Variants in LNX2 observed in about 807,000 individuals in gnomAD.
LNX2 encodes ligand of Numb protein X 2.
A neutral mutation model predicts 66.2 loss-of-function variants in LNX2; 35 were observed. The observed-to-expected ratio is 0.53, with a 90% CI of 0.40 to 0.70. LNX2 has a LOEUF of 0.70. Ranked by LOEUF, LNX2 falls within the 30% of genes least tolerant of loss-of-function variation. The pLI, the probability that LNX2 is intolerant of heterozygous loss-of-function variation, is 0.00. For missense variants in LNX2, 791 were observed against 850.8 expected (o/e 0.93, Z 0.87); for synonymous variants, 337 against 315.6 (o/e 1.07, Z -0.72).
chr13:27,562,081 C>T (rs1352452100), intron 5 of LNX2, among the ~76,000 whole-genome samples: 1 of 152,132 alleles, frequency 6.6e-6, no homozygotes, highest in African/African-American at 2.4e-5. Flanking sequence ...TTTTGAGCCT[C>T]CCTTTCCTCA....
chr13:27,603,774 C>G (rs1313687292), intron 1 of LNX2, among the ~76,000 whole-genome samples: 1 of 152,056 alleles, frequency 6.6e-6, no homozygotes, highest in Non-Finnish European at 1.5e-5. Context: ...GAAATGCTTC[C>G]TGACTCCTTA....
intron 1 of LNX2, among the ~76,000 whole-genome samples, chr13:27,615,375 C>T (rs1053881935): frequency 1.3e-5 from 2 of 152,242 alleles, no homozygotes; most frequent in Non-Finnish European, 2.9e-5. Context: ...CTCTCTGGGG[C>T]GTGTTACCCT....
In LNX2 at chr13:27,559,835, T is replaced by A. The variant is rs1190350653; in HGVS notation, c.1368+7A>T. On this transcript the variant is annotated splice_region_variant and intron_variant, in intron 6 of 9. Coordinates refer to ENST00000316334, the MANE Select transcript of LNX2 (RefSeq NM_153371.4). The stretch of plus-strand genomic sequence containing the variant: ...ATGGTGGCATAAAAAAAAAAAAAAA[T>A]CCTCACCTTATGTGAGCTTGGTCTG... 2 of 1,483,748 alleles carry A rather than the reference T, an allele frequency of 1.3e-6. No homozygotes were observed. The allele number at this position is 1,483,748 out of a possible 1,614,324, so 91.9% of individuals were successfully genotyped here.
rs151176870 is a variant in LNX2, at chr13:27,548,420, C to T, written c.1988G>A (p.Ser663Asn). The change falls in exon 10 of 10, where the codon AGC (serine) becomes AAC (asparagine). Residue 663 changes from serine to asparagine, a missense_variant. Transcript: ENST00000316334. ...CAACATGGGAACTAGTGCAGAGTGG[C>T]TCATGCCCACGGTTGACAGCCCATT... ...AVNGLSTVGMSHSALVPMLKE... is the reference protein window; with the variant it reads ...AVNGLSTVGMNHSALVPMLKE... The T allele has an allele frequency of 1.1e-5, 17 of 1,614,004 alleles. No individual in the cohort carries two copies. The highest frequency in any genetic ancestry group is 1.3e-5 in the African/African-American group (1 of 74,930).
intron 2 of LNX2, among the ~76,000 whole-genome samples, chr13:27,573,838 A>C (rs971430793): frequency 2.0e-5 from 3 of 151,888 alleles, no homozygotes; most frequent in Non-Finnish European, 4.4e-5. Flanking sequence ...TAGTTTTCTG[A>C]GTTGCCACAT....
In LNX2 at chr13:27,548,401, G is replaced by A. The variant is rs140619257; in HGVS notation, c.2007C>T (p.Pro669=). ...CTTTGTTCCTCTGCTCCTTCAACAT[G>A]GGAACTAGTGCAGAGTGGCTCATGC... ...TVGMSHSALV[P]MLKEQRNKVT... The change falls in exon 10 of 10, where the codon CCC becomes CCT. Residue 669 remains proline (P), a synonymous_variant. Coordinates refer to ENST00000316334, the MANE Select transcript of LNX2 (RefSeq NM_153371.4). 1.9e-6 allele frequency: 3 copies of A among 1,614,014 alleles called. No homozygotes were observed. In the African/African-American group the frequency reaches 4.0e-5, roughly 22 times the overall value.
In LNX2 at chr13:27,553,334, T is replaced by C. The variant is rs201709536; in HGVS notation, c.1652A>G (p.Lys551Arg). ...CTCAACAATCTGGACCTCAAGTGCT[T>C]TAAGGGCAACAGCAGGGGACGCGGC... ...ASAASPAVAL[K>R]ALEVQIVEEA... is the part of the protein sequence containing the mutation. The change falls in exon 8 of 10, where the codon AAA (lysine) becomes AGA (arginine). Residue 551 changes from lysine to arginine, a missense_variant. Transcript: ENST00000316334. 97 of 1,614,048 alleles carry C rather than the reference T, an allele frequency of 6.0e-5. 1 individual carries two copies. Among genetic ancestry groups the C allele is most frequent in the Non-Finnish European group, 7.6e-5 (90 of 1,180,040 alleles).
intron 1 of LNX2, among the ~76,000 whole-genome samples, chr13:27,615,947 A>G (rs1474222820): frequency 1.3e-5 from 2 of 152,122 alleles, no homozygotes; most frequent in Non-Finnish European, 2.9e-5. Flanking sequence ...CTGTCAACAA[A>G]AAGAGTCAAA....
intron 1 of LNX2, among the ~76,000 whole-genome samples, chr13:27,587,510 C>T (rs947843429): frequency 4.6e-5 from 7 of 152,152 alleles, no homozygotes; most frequent in African/African-American, 1.4e-4. Context: ...ATATGTATAA[C>T]TATATTCATA....
intron 8 of LNX2, 38 bp downstream of exon 8, chr13:27,553,170 T>C (rs745844276): frequency 3.9e-6 from 6 of 1,545,864 alleles, no homozygotes; most frequent in Non-Finnish European, 5.4e-6. Context: ...GCAAGCATGA[T>C]TATGATTTCC....
chr13:27,557,696 A>G (rs1955080133), intron 6 of LNX2, among the ~76,000 whole-genome samples: 1 of 152,118 alleles, frequency 6.6e-6, no homozygotes, highest in Non-Finnish European at 1.5e-5. Flanking sequence ...CTGGAATTCT[A>G]GGCCTATCTA....
chr13:27,583,255 T>TGTGCGCGCGCGCGC (rs1555268514), intron 1 of LNX2, among the ~76,000 whole-genome samples: 2 of 58,530 alleles, frequency 3.4e-5, no homozygotes, highest in Non-Finnish European at 6.4e-5. Flanking sequence ...TGTGTGTGTG[T>TGTGCGCGCGCGCGC]GCGCGCGTCC....
intron 2 of LNX2, among the ~76,000 whole-genome samples, chr13:27,569,528 T>C (rs1490060168): frequency 6.6e-6 from 1 of 152,178 alleles, no homozygotes; most frequent in Admixed American, 6.5e-5. Flanking sequence ...AGTAAAAAAT[T>C]GTATGCAGGT....
rs1263555916 is a variant in LNX2, at chr13:27,567,737, T to C, written c.758A>G (p.Asn253Ser). 8 of 1,613,766 alleles carry C rather than the reference T, an allele frequency of 5.0e-6. No individual in the cohort carries two copies. The Admixed American group carries it at 5.0e-5, about 10-fold the overall frequency. ...IQLGISIVGG[N>S]ETPLINIVIQ... is the part of the protein sequence containing the mutation. ...GACAATGTTAATCAAAGGTGTTTCG[T>C]TGCCACCCACAATGCTGATTCCTAA... The change falls in exon 4 of 10, where the codon AAC (asparagine) becomes AGC (serine). Residue 253 changes from asparagine to serine, a missense_variant. By Grantham distance (46) the Asn-to-Ser change is conservative. Transcript: ENST00000316334.
chr13:27,584,376 C>A (rs1260664677), intron 1 of LNX2, among the ~76,000 whole-genome samples: 1 of 147,968 alleles, frequency 6.8e-6, no homozygotes, highest in Non-Finnish European at 1.5e-5. Flanking sequence ...TATGGTAGGA[C>A]CCTGTCTCTA....
chr13:27,608,947 GATGTGTACCACC>G (rs1955746627), intron 1 of LNX2, among the ~76,000 whole-genome samples: 1 of 151,908 alleles, frequency 6.6e-6, no homozygotes, highest in Admixed American at 6.6e-5. Flanking sequence ...TGGGACTATA[GATGTGTACCACC>G]ATGCCCAGCT....
chr13:27,553,118 TCCCAA>T, intron 8 of LNX2, 85 bp downstream of exon 8: 1 of 1,032,484 alleles, frequency 9.7e-7, no homozygotes, highest in Non-Finnish European at 1.4e-6. Context: ...TTTTTTTTTA[TCCCAA>T]CGAGTAAATT....
At chr13:27,619,123 C>T (rs1955861113) in intron 1 of LNX2, among the ~76,000 whole-genome samples, 1 of 152,188 alleles carries the variant, frequency 6.6e-6, no homozygotes, top group South Asian at 2.1e-4. Flanking sequence ...GAATGTAACA[C>T]ACAAGTGGGC....
At chr13:27,602,996 A>G (rs1389378584) in intron 1 of LNX2, among the ~76,000 whole-genome samples, 2 of 152,184 alleles carry the variant, frequency 1.3e-5, no homozygotes, top group African/African-American at 2.4e-5. Context: ...AATTTTATAT[A>G]TAACTTTAAA....
Sources: allele counts gnomAD v4.1 joint callset (sites outside exome capture counted in the v4.1 genomes callset), GRCh38; gene constraint gnomAD v4.1.1; transcripts MANE v1.5; gene names NCBI Gene and HGNC (gene_info 2026-07-23, HGNC 2026-07-21).